KIFAP3: variants seen among roughly 807,000 people sequenced by gnomAD.
KIFAP3 encodes kinesin associated protein 3, also known as kinesin-associated protein 3.
A neutral mutation model predicts 106.5 loss-of-function variants in KIFAP3; 68 were observed. That is an observed-to-expected ratio of 0.64 (90% CI 0.53 to 0.78). The LOEUF (loss-of-function observed/expected upper bound fraction) is 0.78, where lower values mean the gene tolerates loss of function less well. Among genes scored for constraint, KIFAP3 ranks in the 30% least tolerant of loss-of-function variants. The pLI is 0.00. For synonymous variants in KIFAP3, 320 were observed against 311.5 expected, an observed-to-expected ratio of 1.03 and a Z score of -0.29; for missense variants, 780 against 941.8, an observed-to-expected ratio of 0.83 and a Z score of 2.25.
In KIFAP3 at chr1:170,034,384, T is replaced by C. The variant is rs1310596353; in HGVS notation, c.730A>G (p.Lys244Glu). The C allele has an allele frequency of 3.1e-6, 5 of 1,605,968 alleles. No individual in the cohort carries two copies. The highest frequency in any genetic ancestry group is 4.2e-6 in the Non-Finnish European group (5 of 1,176,588). ...TCTAAAAGGATATCAGCTTTCTTCT[T>C]CTTTGAGAGTTCTTCTTGCCAAAGC... ...HELWQEELSK[K>E]KKAVDEDPEN... is the part of the protein sequence containing the mutation. Residue 244 changes from lysine (K) to glutamate (E), a missense_variant, in exon 7 of 20, where the codon AAG (lysine) becomes GAG (glutamate). Coordinates refer to ENST00000361580, the MANE Select transcript of KIFAP3 (RefSeq NM_014970.4).
intron 17 of KIFAP3, among the ~76,000 whole-genome samples, chr1:169,962,750 T>C (rs1349048495): frequency 6.6e-6 from 1 of 152,178 alleles, no homozygotes; most frequent in Non-Finnish European, 1.5e-5. Flanking sequence ...TTATTGTAAT[T>C]TTCTTGTTAA....
At chr1:169,963,120 A>G (rs1665422478) in intron 17 of KIFAP3, among the ~76,000 whole-genome samples, 2 of 152,140 alleles carry the variant, frequency 1.3e-5, no homozygotes, top group Middle Eastern at 3.2e-3. Flanking sequence ...ACCCTTAAGT[A>G]GGTCCTGATG....
intron 19 of KIFAP3, among the ~76,000 whole-genome samples, chr1:169,933,221 T>G (rs997456996): frequency 6.6e-6 from 1 of 152,032 alleles, no homozygotes; most frequent in Non-Finnish European, 1.5e-5. Flanking sequence ...GCAGTATTAT[T>G]TGATGTTTTG....
intron 11 of KIFAP3, among the ~76,000 whole-genome samples, chr1:169,991,354 AAAAGG>A (rs1667097744): frequency 2.6e-5 from 4 of 152,094 alleles, no homozygotes; most frequent in South Asian, 4.2e-4. Context: ...TCAAAAAAAA[AAAAGG>A]AAGGAAGGAA....
At chr1:169,975,505 G>C (rs1666177345) in intron 16 of KIFAP3, among the ~76,000 whole-genome samples, 1 of 152,038 alleles carries the variant, frequency 6.6e-6, no homozygotes. Context: ...ATAAAATATT[G>C]CAATAATTTT....
chr1:170,003,762 G>A (rs952787450), intron 10 of KIFAP3, among the ~76,000 whole-genome samples: 1 of 152,186 alleles, frequency 6.6e-6, no homozygotes, highest in African/African-American at 2.4e-5. Flanking sequence ...CATACTGAAT[G>A]GACAAAAACT....
intron 15 of KIFAP3, among the ~76,000 whole-genome samples, chr1:169,978,855 T>C (rs1666365850): frequency 2.0e-5 from 3 of 152,216 alleles, no homozygotes; most frequent in Non-Finnish European, 4.4e-5. Context: ...ACCAGTTGTG[T>C]AGAATAAATT....
intron 1 of KIFAP3, among the ~76,000 whole-genome samples, chr1:170,081,101 G>T (rs1018923374): frequency 2.6e-5 from 4 of 152,042 alleles, no homozygotes; most frequent in African/African-American, 9.7e-5. Context: ...ACACCATTAA[G>T]AAATGAAATG....
chr1:170,059,609 C>A (rs1481071897), intron 1 of KIFAP3, among the ~76,000 whole-genome samples: 1 of 152,156 alleles, frequency 6.6e-6, no homozygotes, highest in Non-Finnish European at 1.5e-5. Flanking sequence ...TGGTACCATT[C>A]CTTCTGAAAC....
rs147269449 is a variant in KIFAP3, at chr1:169,984,502, T to A, written c.1393+80A>T. On this transcript the variant is annotated intron_variant, in intron 12 of 19. Coordinates refer to ENST00000361580, the MANE Select transcript of KIFAP3 (RefSeq NM_014970.4). ...ACAGGACTTACATAATCATTATAATTCTTAATTCCTTATATCTATTTTCCA... is the reference window on the plus strand; with the variant it reads ...ACAGGACTTACATAATCATTATAATACTTAATTCCTTATATCTATTTTCCA... The A allele has an allele frequency of 4.4e-3, 2,645 of 595,414 alleles. 55 individuals are homozygous for A. The highest frequency in any genetic ancestry group is 0.044 in the African/African-American group (2,363 of 53,318). 36.9% of individuals were successfully genotyped at this position (595,414 alleles called of 1,614,324 possible).
rs894740522 is a variant in KIFAP3, at chr1:169,988,699, G to A, written c.1284+3456C>T. Among the ~76,000 whole-genome samples the A allele has an allele frequency of 3.3e-5, 5 of 151,858 alleles. No individual in the cohort carries two copies. The South Asian group carries it at 1.0e-3, about 31-fold the overall frequency. ...GGAAATTTCATTTAATTTCTGACTT[G>A]TTTTCCATGATTCTTTTATTTTGCA... On this transcript the variant is annotated intron_variant, in intron 11 of 19. Coordinates refer to ENST00000361580, the MANE Select transcript of KIFAP3 (RefSeq NM_014970.4).
intron 9 of KIFAP3, among the ~76,000 whole-genome samples, chr1:170,022,816 C>T (rs959735201): frequency 6.6e-6 from 1 of 152,062 alleles, no homozygotes; most frequent in Non-Finnish European, 1.5e-5. Flanking sequence ...ATCATATATT[C>T]CAATTCTATG....
At chr1:169,972,642 G>A in intron 16 of KIFAP3, 44 bp from the exon 17 acceptor site, 1 of 955,192 alleles carries the variant, frequency 1.0e-6, no homozygotes, top group Non-Finnish European at 1.6e-6. Context: ...TTGATATTGT[G>A]GCTAGTCAAT....
upstream of KIFAP3, among the ~76,000 whole-genome samples, chr1:170,079,323 C>A (rs1671977609): frequency 6.6e-6 from 1 of 152,186 alleles, no homozygotes; most frequent in East Asian, 1.9e-4. Flanking sequence ...TCACCAGAAG[C>A]AGATACTGGC....
At chr1:169,926,844 A>C (rs1663167905) in intron 19 of KIFAP3, among the ~76,000 whole-genome samples, 1 of 152,118 alleles carries the variant, frequency 6.6e-6, no homozygotes, top group African/African-American at 2.4e-5. Flanking sequence ...TTTCTTAACA[A>C]ACCAGTCTTT....
At chr1:169,946,962 T>C (rs977115188) in intron 19 of KIFAP3, among the ~76,000 whole-genome samples, 3 of 151,954 alleles carry the variant, frequency 2.0e-5, no homozygotes, top group African/African-American at 4.8e-5. Context: ...ATTAGAACTA[T>C]GTTATGACAT....
chr1:169,935,712 T>G (rs964255657), intron 19 of KIFAP3, among the ~76,000 whole-genome samples: 42 of 152,158 alleles, frequency 2.8e-4, no homozygotes, highest in African/African-American at 9.6e-4. Context: ...CATAGAAATA[T>G]GTAGCTTTTA....
intron 8 of KIFAP3, among the ~76,000 whole-genome samples, chr1:170,027,303 A>AACC (rs1290377705): frequency 6.6e-6 from 1 of 152,042 alleles, no homozygotes; most frequent in Non-Finnish European, 1.5e-5. Context: ...TACAGGCATG[A>AACC]ACCACCGCGC....
chr1:170,058,243 A>G (rs1319600032), intron 1 of KIFAP3, among the ~76,000 whole-genome samples: 1 of 152,224 alleles, frequency 6.6e-6, no homozygotes, highest in Non-Finnish European at 1.5e-5. Context: ...TTCATTAAAT[A>G]AGAACTTTTA....
Sources: allele counts gnomAD v4.1 joint callset (sites outside exome capture counted in the v4.1 genomes callset), GRCh38; gene constraint gnomAD v4.1.1; transcripts MANE v1.5; gene names NCBI Gene and HGNC (gene_info 2026-07-23, HGNC 2026-07-21).